The following IGF2BP3 variants were observed in gnomAD, a reference collection of about 807,000 sequenced individuals.
IGF2BP3 encodes insulin like growth factor 2 mRNA binding protein 3.
A neutral mutation model predicts 73.8 loss-of-function variants in IGF2BP3; 9 were observed. That is an observed-to-expected ratio of 0.12 (90% CI 0.07 to 0.21). IGF2BP3 has a LOEUF of 0.21. IGF2BP3 is among the 10% of genes least tolerant of loss of function. IGF2BP3 has a pLI of 1.00. For missense variants in IGF2BP3, 542 were observed against 714.0 expected (o/e 0.76, Z 2.75); for synonymous variants, 258 against 256.7 (o/e 1.01, Z -0.05).
chr7:23,364,295 A>AC (rs201908779), intron 3 of IGF2BP3, among the ~76,000 whole-genome samples: 2,776 of 151,854 alleles, frequency 0.018, 77 homozygotes, highest in African/African-American at 0.064. Context: ...AACTGCTTGA[A>AC]CCCAGGAGGC....
intron 10 of IGF2BP3, among the ~76,000 whole-genome samples, chr7:23,330,218 G>A (rs550791707): frequency 1.3e-3 from 201 of 151,872 alleles, no homozygotes; most frequent in African/African-American, 4.5e-3. Context: ...CCTGGGAGGC[G>A]GAGGCTACAG....
At chr7:23,334,591 T>C (rs529731555) in intron 10 of IGF2BP3, among the ~76,000 whole-genome samples, 1 of 152,364 alleles carries the variant, frequency 6.6e-6, no homozygotes, top group Non-Finnish European at 1.5e-5. Context: ...CTGAACCTTT[T>C]CTTGGATACA....
chr7:23,434,480 T>C (rs1232098781), intron 2 of IGF2BP3, among the ~76,000 whole-genome samples: 1 of 152,190 alleles, frequency 6.6e-6, no homozygotes, highest in African/African-American at 2.4e-5. Context: ...TTTCTACAAG[T>C]AGGCAAAGAA....
chr7:23,441,822 C>T (rs1021383088), intron 2 of IGF2BP3, among the ~76,000 whole-genome samples: 5 of 152,032 alleles, frequency 3.3e-5, no homozygotes, highest in African/African-American at 1.2e-4. Context: ...AATAAGATTA[C>T]TATAAAATGT....
At position 23,427,610 on chromosome 7, in the gene IGF2BP3, G is replaced by A. The variant is rs140622405; in HGVS notation, c.237-8786C>T. ...AATTTTGCTGGGTGTGATGGCTCAC[G>A]CCTGTAATCCCAGCACTTTGGAAGG... On this transcript the variant is annotated intron_variant, in intron 2 of 14. Transcript: ENST00000258729. Among the ~76,000 whole-genome samples the A allele has an allele frequency of 4.6e-5, 7 of 152,256 alleles. No homozygotes were observed. In the East Asian group the frequency reaches 9.6e-4, roughly 21 times the overall value.
chr7:23,325,448 C>A (rs1784267180), intron 10 of IGF2BP3, among the ~76,000 whole-genome samples: 1 of 152,158 alleles, frequency 6.6e-6, no homozygotes, highest in Non-Finnish European at 1.5e-5. Context: ...GAAGAACATT[C>A]CATGCTCATG....
intron 3 of IGF2BP3, among the ~76,000 whole-genome samples, chr7:23,383,912 C>T (rs376786255): frequency 2.6e-5 from 4 of 151,650 alleles, no homozygotes; most frequent in South Asian, 2.1e-4. Context: ...CTGGCTAACA[C>T]GGTGAGACCC....
In IGF2BP3 at chr7:23,325,772, C is replaced by T. The variant is rs189605361; in HGVS notation, c.1204-6518G>A. ...AGAACAGAGCCCTCAGAAATAACAC[C>T]GCGTATCTACAACTATCTAATCTTT... is the stretch of plus-strand genomic sequence containing the variant. On this transcript the variant is annotated intron_variant, in intron 10 of 14. Coordinates refer to ENST00000258729, the MANE Select transcript of IGF2BP3 (RefSeq NM_006547.3). Among the ~76,000 whole-genome samples, 105 of 152,150 alleles carry T rather than the reference C, an allele frequency of 6.9e-4. 1 individual carries two copies. The highest frequency in any genetic ancestry group is 2.4e-3 in the African/African-American group (99 of 41,500).
chr7:23,411,858 C>A (rs768451848), intron 3 of IGF2BP3, among the ~76,000 whole-genome samples: 1 of 152,098 alleles, frequency 6.6e-6, no homozygotes, highest in Admixed American at 6.5e-5. Context: ...CCACGGCTTA[C>A]AGTGGGGTCT....
rs1788625755 is a variant in IGF2BP3, at chr7:23,468,562, G to T, written c.176-20C>A. On this transcript the variant is annotated intron_variant, in intron 1 of 14. Transcript: ENST00000258729. The stretch of plus-strand genomic sequence containing the variant: ...TTTTACCTGCGGACACACAAGAAGT[G>T]AGACGGTCGGCCGAGTTCAGCGGCT... 1 of 1,613,788 alleles carries T rather than the reference G, an allele frequency of 6.2e-7. No homozygotes were observed.
rs749902755 is a variant in IGF2BP3, at chr7:23,386,224, C to T, written c.286-24483G>A. Among the ~76,000 whole-genome samples, 21 of 152,138 alleles carry T rather than the reference C, an allele frequency of 1.4e-4. 1 individual carries two copies. The South Asian group carries it at 1.5e-3, about 11-fold the overall frequency. On this transcript the variant is annotated intron_variant, in intron 3 of 14. Transcript: ENST00000258729. Reference sequence around the variant, plus strand: ...TTTAAGATGTGAAATATTGGCCAGGCGTGCTGGCTCACACCTCTAATCCCA... The same window carrying T: ...TTTAAGATGTGAAATATTGGCCAGGTGTGCTGGCTCACACCTCTAATCCCA...
At chr7:23,362,441 GACAGC>G (rs1785254358) in intron 3 of IGF2BP3, 1 of 152,096 alleles carries the variant, frequency 6.6e-6, no homozygotes, top group African/African-American at 2.4e-5. Context: ...TAAATACATA[GACAGC>G]AAAAGTGTGA....
At chr7:23,326,630 C>T (rs897703330) in intron 10 of IGF2BP3, among the ~76,000 whole-genome samples, 12 of 150,454 alleles carry the variant, frequency 8.0e-5, no homozygotes, top group African/African-American at 2.5e-4. Flanking sequence ...ATGTTTATTG[C>T]GGCATTATTC....
chr7:23,422,432 G>T lies in IGF2BP3; in HGVS notation c.237-3608C>A, dbSNP rs544096411. Among the ~76,000 whole-genome samples, 11 of 152,228 alleles carry T rather than the reference G, an allele frequency of 7.2e-5. No individual in the cohort carries two copies. In the East Asian group the frequency reaches 1.4e-3, roughly 19 times the overall value. On this transcript the variant is annotated intron_variant, in intron 2 of 14. Coordinates refer to ENST00000258729, the MANE Select transcript of IGF2BP3 (RefSeq NM_006547.3). Reference sequence around the variant, plus strand: ...TAGCGTGGTGTGGTGGCACACGCCCGTAGTCCTAGATACTCAGGATGCTGA... The same window carrying T: ...TAGCGTGGTGTGGTGGCACACGCCCTTAGTCCTAGATACTCAGGATGCTGA...
rs571953737 is a variant in IGF2BP3 at position 23,413,560 on chromosome 7, G to GA, written c.285+5215dup. ...CACTTGAGAAATTGAGTAGGCAAAA[G>GA]AAAAAATATCTAAAGGTGTTTAATG... On this transcript the variant is annotated intron_variant, in intron 3 of 14. Coordinates refer to ENST00000258729, the MANE Select transcript of IGF2BP3 (RefSeq NM_006547.3). The GA allele has an allele frequency of 7.2e-5, 11 of 152,222 alleles. No homozygotes were observed. The South Asian group carries it at 1.7e-3, about 23-fold the overall frequency. 9.4% of individuals were successfully genotyped at this position (152,222 alleles called of 1,614,324 possible). A position where few individuals can be genotyped will look rare whatever the true frequency, so the allele number is the denominator to read the frequency against.
At chr7:23,375,940 G>A (rs988759536) in intron 3 of IGF2BP3, among the ~76,000 whole-genome samples, 1 of 151,952 alleles carries the variant, frequency 6.6e-6, no homozygotes, top group African/African-American at 2.4e-5. Flanking sequence ...GTTCAATAAA[G>A]GGAAAAAAGA....
chr7:23,358,523 G>A (rs1476442290), intron 5 of IGF2BP3, among the ~76,000 whole-genome samples: 2 of 152,166 alleles, frequency 1.3e-5, no homozygotes, highest in Non-Finnish European at 2.9e-5. Flanking sequence ...CAGAACCAGT[G>A]GGTTAAACTA....
Position 23,470,008 on chromosome 7 carries a change from C to A in IGF2BP3, c.103G>T (p.Val35Leu). Residue 35 changes from valine (V) to leucine (L), a missense_variant, in exon 1 of 15, where the codon GTG (valine) becomes TTG (leucine). Physicochemically the swap from Val to Leu is conservative, Grantham distance 32. Transcript: ENST00000258729. ...TCCACGAACGCGTAGCCAGTCTTCA[C>A]CAGGAAGGGTCCCGACACCGGGATC... Reference protein sequence around the residue: ...AKIPVSGPFLVKTGYAFVDCP... With the variant: ...AKIPVSGPFLLKTGYAFVDCP... 1 of 1,612,866 alleles carries A rather than the reference C, an allele frequency of 6.2e-7. No individual in the cohort carries two copies. Among genetic ancestry groups the A allele is most frequent in the Non-Finnish European group, 8.5e-7 (1 of 1,179,742 alleles).
At chr7:23,464,004 C>G (rs1422414319) in intron 2 of IGF2BP3, among the ~76,000 whole-genome samples, 1 of 152,158 alleles carries the variant, frequency 6.6e-6, no homozygotes, top group Non-Finnish European at 1.5e-5. Context: ...TTTCCCGAAT[C>G]GCAAGATTCA....
Sources: gnomAD v4.1 joint callset for allele counts (sites outside exome capture counted in the v4.1 genomes callset) on GRCh38, gnomAD v4.1.1 for gene constraint, MANE v1.5 for transcripts, NCBI Gene and HGNC (gene_info 2026-07-23, HGNC 2026-07-21) for gene names.